Variants in ZNF320 observed in about 807,000 individuals in gnomAD.
ZNF320 encodes the protein zinc finger protein 320, also known as zinc finger gene 320.
Under a neutral mutation model 6.8 loss-of-function variants are expected in ZNF320, and 2 were observed. The ratio of observed to expected loss-of-function variants is 0.29; its 90% CI spans 0.12 to 0.93. The LOEUF is 0.93. Among genes scored for constraint, ZNF320 ranks in the 40% least tolerant of loss-of-function variants. The pLI is 0.55. For synonymous variants in ZNF320, 208 were observed against 203.2 expected, an observed-to-expected ratio of 1.02 and a Z score of -0.20; for missense variants, 472 against 611.0, an observed-to-expected ratio of 0.77 and a Z score of 2.40.
upstream of ZNF320, among the ~76,000 whole-genome samples, chr19:52,900,666 T>G (rs2147916364): frequency 6.6e-6 from 1 of 152,244 alleles, no homozygotes; most frequent in South Asian, 2.1e-4. Flanking sequence ...ATTAGGATGT[T>G]TACGCTAGGA....
In ZNF320 at chr19:52,880,383, G is replaced by A; in HGVS notation, c.*213C>T. ...AAATAAATAAAAGAACATACAGGCTGGGAAAAGTGGCTCCCGTCTGTTGGC... is the reference window on the plus strand; with the variant it reads ...AAATAAATAAAAGAACATACAGGCTAGGAAAAGTGGCTCCCGTCTGTTGGC... On this transcript the variant is annotated 3_prime_UTR_variant, in exon 6 of 6. Coordinates refer to ENST00000682928, the MANE Select transcript of ZNF320 (RefSeq NM_001351774.2). The A allele has an allele frequency of 2.0e-6, 1 of 489,192 alleles. No homozygotes were observed. The highest frequency in any genetic ancestry group is 3.6e-6 in the Non-Finnish European group (1 of 279,338). 30.3% of individuals were successfully genotyped at this position (489,192 alleles called of 1,614,324 possible).
In ZNF320 at chr19:52,881,942, C is replaced by T. The variant is rs779402897; in HGVS notation, c.184G>A (p.Gly62Arg). The T allele has an allele frequency of 3.1e-6, 5 of 1,606,980 alleles. No homozygotes were observed. In the South Asian group the frequency reaches 4.5e-5, roughly 14 times the overall value. Residue 62 changes from glycine (G) to arginine (R), a missense_variant, in exon 6 of 6, where the codon GGG (glycine) becomes AGG (arginine). Physicochemically the swap from Gly to Arg is moderately radical, Grantham distance 125. Around this residue, in one of 2 missense-constraint regions of ZNF320, gnomAD observed 462 missense variants for 559.7 expected, o/e 0.83. Coordinates refer to ENST00000682928, the MANE Select transcript of ZNF320 (RefSeq NM_001351774.2). ...TGGATCACTTCTGTATTGCCTTGCC[C>T]TGTTGATGACAATGTATTCATCATG... ...KCMMNTLSST[G>R]QGNTEVIHTG... is the part of the protein sequence containing the mutation.
At chr19:52,864,609 C>A (rs145406788) in intron 5 of ZNF320, among the ~76,000 whole-genome samples, 1 of 152,044 alleles carries the variant, frequency 6.6e-6, no homozygotes, top group African/African-American at 2.4e-5. Flanking sequence ...TCAGCCTGAA[C>A]AACATGGTGA....
Position 52,877,804 on chromosome 19 carries a change from A to C in ZNF320, c.*2792T>G, listed in dbSNP as rs2063802876. The C allele has an allele frequency of 6.6e-6, 1 of 152,188 alleles. No individual in the cohort carries two copies. The highest frequency in any genetic ancestry group is 2.4e-5 in the African/African-American group (1 of 41,440). The allele number at this position is 152,188 out of a possible 1,614,324, so 9.4% of individuals were successfully genotyped here. A position where few individuals can be genotyped will look rare whatever the true frequency, so the allele number is the denominator to read the frequency against. ...CTTTGACACACTGATACTGTTTTAT[A>C]TAGATTTTTCCACAACAGTAAAGTC... is the stretch of plus-strand genomic sequence containing the variant. On this transcript the variant is annotated 3_prime_UTR_variant, in exon 6 of 6. Coordinates refer to ENST00000682928, the MANE Select transcript of ZNF320 (RefSeq NM_001351774.2).
At chr19:52,890,581 CCA>C (rs1431553554) in intron 3 of ZNF320, among the ~76,000 whole-genome samples, 1 of 152,200 alleles carries the variant, frequency 6.6e-6, no homozygotes, top group Non-Finnish European at 1.5e-5. Flanking sequence ...TAACCAAACC[CCA>C]CACAGAGGCT....
intron 5 of ZNF320, among the ~76,000 whole-genome samples, chr19:52,867,181 A>G (rs201096840): frequency 1.3e-5 from 2 of 151,604 alleles, no homozygotes; most frequent in African/African-American, 4.8e-5. Context: ...TTAATTAATT[A>G]ATTAATTAAT....
chr19:52,883,442 A>G (rs1422600099), intron 5 of ZNF320, among the ~76,000 whole-genome samples: 1 of 152,158 alleles, frequency 6.6e-6, no homozygotes, highest in East Asian at 1.9e-4. Flanking sequence ...AGAAAATAAT[A>G]AGTCAATTTA....
At chr19:52,886,320 A>T (rs1439704954) in intron 5 of ZNF320, among the ~76,000 whole-genome samples, 1 of 152,068 alleles carries the variant, frequency 6.6e-6, no homozygotes, top group Non-Finnish European at 1.5e-5. Flanking sequence ...AATTTAGTAC[A>T]GATGAAGTTT....
intron 5 of ZNF320, among the ~76,000 whole-genome samples, chr19:52,870,116 C>G (rs981617853): frequency 6.6e-6 from 1 of 152,124 alleles, no homozygotes; most frequent in South Asian, 2.1e-4. Context: ...GCTGGGATTA[C>G]AGGCATCAGC....
intron 5 of ZNF320, among the ~76,000 whole-genome samples, chr19:52,882,489 A>G (rs960311984): frequency 1.3e-5 from 2 of 152,356 alleles, no homozygotes; most frequent in Non-Finnish European, 2.9e-5. Flanking sequence ...AGAAGATAAG[A>G]TTACAAAAAT....
chr19:52,863,195 A>G (rs1186559811), exon 6 of ZNF320, among the ~76,000 whole-genome samples: 2 of 152,168 alleles, frequency 1.3e-5, no homozygotes, highest in East Asian at 3.9e-4. Context: ...CCTTACTGCA[A>G]AAAAATGAAT....
At chr19:52,884,363 G>C (rs2064011894) in intron 5 of ZNF320, among the ~76,000 whole-genome samples, 1 of 152,138 alleles carries the variant, frequency 6.6e-6, no homozygotes, top group Admixed American at 6.5e-5. Flanking sequence ...TGTTGCCCGG[G>C]CTGGAGTGCA....
At chr19:52,872,781 G>A (rs144112291), downstream of ZNF320, among the ~76,000 whole-genome samples, 4 of 152,228 alleles carry the variant, frequency 2.6e-5, no homozygotes, top group South Asian at 2.1e-4. Context: ...GATTACAGGC[G>A]TGAGCCACCG....
At chr19:52,894,349 A>G (rs1440631671) in intron 1 of ZNF320, 1 of 148,804 alleles carries the variant, frequency 6.7e-6, no homozygotes, top group Non-Finnish European at 1.5e-5. Context: ...GCCCCACTGT[A>G]CTCCAGCCTG....
intron 5 of ZNF320, among the ~76,000 whole-genome samples, chr19:52,868,767 GGCTGAGCTGGGACACAAGC>G (rs1359295041): frequency 6.6e-6 from 1 of 152,122 alleles, no homozygotes; most frequent in East Asian, 1.9e-4. Flanking sequence ...TACAAGCAAG[GGCTGAGCTGGGACACAAGC>G]GCTGAGCTGC....
chr19:52,860,176 T>G (rs2063479298), downstream of ZNF320, among the ~76,000 whole-genome samples: 1 of 152,206 alleles, frequency 6.6e-6, no homozygotes, highest in Non-Finnish European at 1.5e-5. Context: ...CCTCCCAAAG[T>G]GCTGGGATTA....
upstream of ZNF320, among the ~76,000 whole-genome samples, chr19:52,900,898 T>C (rs1220710488): frequency 1.4e-5 from 2 of 146,552 alleles, no homozygotes; most frequent in Non-Finnish European, 3.0e-5. Flanking sequence ...ATATGATTCT[T>C]GACAGATATA....
intron 3 of ZNF320, 119 bp from the exon 4 acceptor site, chr19:52,890,447 GC>G: frequency 1.2e-6 from 1 of 826,036 alleles, no homozygotes; most frequent in Non-Finnish European, 1.8e-6. Flanking sequence ...GCTGCCCACT[GC>G]CCCAGGGATG....
In ZNF320 at chr19:52,869,154, G is replaced by A. The variant is rs1375644544; in HGVS notation, c.223+4838C>T. Among the ~76,000 whole-genome samples, 3 of 152,232 alleles carry A rather than the reference G, an allele frequency of 2.0e-5. No homozygotes were observed. In the East Asian group the frequency reaches 5.8e-4, roughly 29 times the overall value. On this transcript the variant is annotated intron_variant, in intron 5 of 5. Coordinates refer to the ZNF320 transcript ENST00000673631. ...GATAGACCAAATCTTGAGCTTGGAA[G>A]AAAGTGGAACTAATTTAGCAAATGG...
Sources: allele counts gnomAD v4.1 joint callset (sites outside exome capture counted in the v4.1 genomes callset), GRCh38; gene constraint gnomAD v4.1.1; regional missense constraint gnomAD v4.1.1; transcripts MANE v1.5; gene names NCBI Gene and HGNC (gene_info 2026-07-23, HGNC 2026-07-21).